METTL15: variants seen among roughly 807,000 people sequenced by gnomAD.
METTL15 encodes the protein 12S rRNA N(4)-cytidine methyltransferase METTL15.
Under a neutral mutation model 38.3 loss-of-function variants are expected in METTL15, and 34 were observed. The observed-to-expected ratio is 0.89, with a 90% CI of 0.68 to 1.18. The LOEUF is 1.18. Ranked by LOEUF, METTL15 falls within the 50% of genes most tolerant of loss-of-function variation. METTL15 has a pLI of 0.00. For missense variants in METTL15, 438 were observed against 498.4 expected (o/e 0.88, Z 1.15); for synonymous variants, 162 against 170.9 (o/e 0.95, Z 0.41).
chr11:28,465,565 C>T (rs1851250347), intron 6 of METTL15, among the ~76,000 whole-genome samples: 1 of 152,172 alleles, frequency 6.6e-6, no homozygotes, highest in Non-Finnish European at 1.5e-5. Flanking sequence ...ACCTGCTCTG[C>T]ATCCTATCTT....
intron 6 of METTL15, among the ~76,000 whole-genome samples, chr11:28,432,515 T>C (rs1188377600): frequency 6.6e-6 from 1 of 152,216 alleles, no homozygotes; most frequent in Non-Finnish European, 1.5e-5. Context: ...AATGCTCTCT[T>C]TCAGTCAGTG....
intron 4 of METTL15, among the ~76,000 whole-genome samples, chr11:28,241,692 G>A (rs1436424173): frequency 1.3e-5 from 2 of 152,108 alleles, no homozygotes; most frequent in Admixed American, 6.6e-5. Flanking sequence ...GAGTTAGAAT[G>A]GAATGAATCT....
intron 4 of METTL15, among the ~76,000 whole-genome samples, chr11:28,289,037 A>T (rs1274486095): frequency 6.6e-6 from 1 of 152,134 alleles, no homozygotes; most frequent in East Asian, 1.9e-4. Flanking sequence ...ATGTGATAGT[A>T]ACAATTGACT....
chr11:28,312,215 A>G (rs1466672141), intron 6 of METTL15, among the ~76,000 whole-genome samples: 1 of 152,226 alleles, frequency 6.6e-6, no homozygotes, highest in African/African-American at 2.4e-5. Context: ...GTGTTTTATT[A>G]TTAATTATAA....
chr11:28,453,468 G>A (rs1461342009), intron 6 of METTL15, among the ~76,000 whole-genome samples: 2 of 152,218 alleles, frequency 1.3e-5, no homozygotes, highest in Non-Finnish European at 2.9e-5. Flanking sequence ...ACTTGAGTTA[G>A]ATGATAATGT....
chr11:28,370,704 T>C (rs1021071902), intron 5 of METTL15, among the ~76,000 whole-genome samples: 1 of 151,974 alleles, frequency 6.6e-6, no homozygotes, highest in African/African-American at 2.4e-5. Context: ...TCTCCACATC[T>C]TCATCAGCAT....
At chr11:28,455,510 G>T (rs1051475177) in intron 6 of METTL15, among the ~76,000 whole-genome samples, 1 of 151,902 alleles carries the variant, frequency 6.6e-6, no homozygotes, top group Admixed American at 6.6e-5. Flanking sequence ...ATTTCATTCA[G>T]CCCTATTGAG....
At chr11:28,469,853 A>G (rs1443865064) in intron 6 of METTL15, among the ~76,000 whole-genome samples, 2 of 152,120 alleles carry the variant, frequency 1.3e-5, no homozygotes, top group South Asian at 2.1e-4. Context: ...TTCAATTTAT[A>G]TGTAATATTT....
intron 5 of METTL15, among the ~76,000 whole-genome samples, chr11:28,411,866 A>C (rs1850726773): frequency 6.6e-6 from 1 of 152,114 alleles, no homozygotes; most frequent in South Asian, 2.1e-4. Context: ...AATATCCAAA[A>C]TTTATAAAGA....
At chr11:28,243,971 A>G (rs1324739832) in intron 4 of METTL15, among the ~76,000 whole-genome samples, 2 of 152,182 alleles carry the variant, frequency 1.3e-5, no homozygotes, top group Non-Finnish European at 2.9e-5. Flanking sequence ...TTGCTCTATA[A>G]TGACTGATGC....
At chr11:28,402,650 T>C (rs1359339951) in intron 5 of METTL15, among the ~76,000 whole-genome samples, 1 of 151,994 alleles carries the variant, frequency 6.6e-6, no homozygotes, top group Non-Finnish European at 1.5e-5. Context: ...TTTAATTTTT[T>C]TAATTTTAAA....
intron 3 of METTL15, among the ~76,000 whole-genome samples, chr11:28,347,498 C>T (rs1850005999): frequency 6.6e-6 from 1 of 152,186 alleles, no homozygotes; most frequent in Admixed American, 6.5e-5. Flanking sequence ...CTAATAAACT[C>T]CTTCTGTATT....
chr11:28,518,894 G>A (rs1590402127), intron 6 of METTL15, among the ~76,000 whole-genome samples: 1 of 152,150 alleles, frequency 6.6e-6, no homozygotes, highest in African/African-American at 2.4e-5. Context: ...GTACATCAGA[G>A]GGATATATAA....
chr11:28,194,530 A>G (rs548271194), intron 3 of METTL15, among the ~76,000 whole-genome samples: 1 of 151,920 alleles, frequency 6.6e-6, no homozygotes, highest in South Asian at 2.1e-4. Flanking sequence ...TGAAACTATC[A>G]AGGTAACAGA....
At chr11:28,522,782 G>C (rs2133513590) in intron 6 of METTL15, among the ~76,000 whole-genome samples, 1 of 152,284 alleles carries the variant, frequency 6.6e-6, no homozygotes, top group East Asian at 1.9e-4. Flanking sequence ...CTTGAATTAA[G>C]CAGAGTAAAC....
chr11:28,390,801 T>G (rs1045366394), intron 5 of METTL15, among the ~76,000 whole-genome samples: 2 of 152,194 alleles, frequency 1.3e-5, no homozygotes, highest in Non-Finnish European at 2.9e-5. Flanking sequence ...TGGCATTGAA[T>G]CTATAAATTA....
intron 3 of METTL15, among the ~76,000 whole-genome samples, chr11:28,208,052 A>G (rs980273875): frequency 5.9e-5 from 9 of 152,082 alleles, no homozygotes. Flanking sequence ...GATCGTTTCA[A>G]AAAACCAGCT....
rs1335767509 is a variant in METTL15, at chr11:28,355,649, G to A, written c.*258+3491G>A. On this transcript the variant is annotated intron_variant and NMD_transcript_variant, in intron 4 of 7. Transcript: ENST00000532947. ...ATTTACATTGTACTAGGCATTATAA[G>A]TAATCTAGAGATTTAAAGCATAGAG... 2.0e-5 allele frequency among the ~76,000 whole-genome samples: 3 copies of A among 152,134 alleles called. No homozygotes were observed. In the East Asian group the frequency reaches 5.8e-4, roughly 29 times the overall value.
rs768552320 is a variant in METTL15, at chr11:28,211,106, C to T, written c.315C>T (p.Ala105=). 10 of 1,611,962 alleles carry T rather than the reference C, an allele frequency of 6.2e-6. No individual in the cohort carries two copies. Among genetic ancestry groups the T allele is most frequent in the East Asian group, 2.2e-5 (1 of 44,816 alleles). The change falls in exon 4 of 7, where the codon GCC becomes GCT. Residue 105 remains alanine (A), a synonymous_variant. Coordinates refer to ENST00000407364, the MANE Select transcript of METTL15 (RefSeq NM_001113528.2). ...MTFGSGGHTK[A]ILQKESDIVL... is the part of the protein sequence containing the mutation. ...TTGGTTCGGGAGGGCACACAAAAGC[C>T]ATTCTGCAGAAGGAGTCAGATATTG... is the stretch of plus-strand genomic sequence containing the variant.
Sources: gnomAD v4.1 joint callset for allele counts (sites outside exome capture counted in the v4.1 genomes callset) on GRCh38, gnomAD v4.1.1 for gene constraint, MANE v1.5 for transcripts, NCBI Gene and HGNC (gene_info 2026-07-23, HGNC 2026-07-21) for gene names.